Variants in SYT1 observed in about 807,000 individuals in gnomAD.
SYT1 encodes synaptotagmin-1.
A neutral mutation model predicts 44.8 loss-of-function variants in SYT1; 8 were observed. That is an observed-to-expected ratio of 0.18 (90% CI 0.10 to 0.32). SYT1 has a LOEUF of 0.32. Among genes scored for constraint, SYT1 ranks in the 10% least tolerant of loss-of-function variants. The pLI is 1.00. For missense variants in SYT1, 286 were observed against 509.3 expected (o/e 0.56, Z 4.22); for synonymous variants, 154 against 188.8 (o/e 0.82, Z 1.51).
Position 79,176,069 on chromosome 12 carries a change from T to C in SYT1, c.-17-41434T>C, listed in dbSNP as rs541976394. ...ACTTTGGAAGGCCGAGGAGGGTGGATCACCTGATGTTCAGAGTTCAAAACC... is the reference window on the plus strand; with the variant it reads ...ACTTTGGAAGGCCGAGGAGGGTGGACCACCTGATGTTCAGAGTTCAAAACC... On this transcript the variant is annotated intron_variant, in intron 3 of 10. Coordinates refer to ENST00000261205, the MANE Select transcript of SYT1 (RefSeq NM_005639.3). Among the ~76,000 whole-genome samples, 40 of 151,992 alleles carry C rather than the reference T, an allele frequency of 2.6e-4. 1 individual carries two copies. The highest frequency in any genetic ancestry group is 6.8e-3 in the Middle Eastern group (2 of 294).
intron 1 of SYT1, among the ~76,000 whole-genome samples, chr12:78,910,614 G>T (rs558587794): frequency 6.6e-6 from 1 of 151,920 alleles, no homozygotes; most frequent in African/African-American, 2.4e-5. Flanking sequence ...GAGTAAACAC[G>T]CAACAAGCAA....
chr12:79,359,617 A>G (rs1030430115), intron 9 of SYT1, among the ~76,000 whole-genome samples: 2 of 152,148 alleles, frequency 1.3e-5, no homozygotes, highest in African/African-American at 2.4e-5. Context: ...CACCATCACT[A>G]TATGTCACAC....
intron 4 of SYT1, among the ~76,000 whole-genome samples, chr12:79,219,351 G>A (rs533925646): frequency 1.3e-5 from 2 of 151,994 alleles, no homozygotes; most frequent in African/African-American, 4.8e-5. Flanking sequence ...AAGCTATTTA[G>A]TTTGATATAA....
chr12:79,437,368 C>T (rs980246005), intron 9 of SYT1, among the ~76,000 whole-genome samples: 1 of 152,022 alleles, frequency 6.6e-6, no homozygotes, highest in South Asian at 2.1e-4. Context: ...ACCAGAGAAA[C>T]AACGTGAAGG....
At chr12:79,101,405 T>C (rs1592749669) in intron 3 of SYT1, among the ~76,000 whole-genome samples, 2 of 152,206 alleles carry the variant, frequency 1.3e-5, no homozygotes, top group African/African-American at 2.4e-5. Context: ...ATTTCACTTA[T>C]ATGAAGTGAC....
In SYT1 at chr12:78,893,382, TTC is replaced by T. The variant is rs1364388039; in HGVS notation, c.-217+28275_-217+28276del. Among the ~76,000 whole-genome samples, 6 of 151,782 alleles carry T rather than the reference TTC, an allele frequency of 4.0e-5. No homozygotes were observed. In the East Asian group the frequency reaches 1.2e-3, roughly 29 times the overall value. ...TGAATTAAACTTGTCAAAAATTCAA[TTC>T]TGTCTCCAAAATTTGAATCAATGTT... On this transcript the variant is annotated intron_variant, in intron 1 of 10. Transcript: ENST00000261205.
chr12:79,116,892 T>A (rs1000974214), intron 3 of SYT1, among the ~76,000 whole-genome samples: 1 of 152,060 alleles, frequency 6.6e-6, no homozygotes, highest in Non-Finnish European at 1.5e-5. Flanking sequence ...CCTCTCCCCC[T>A]CCAGTGAGGA....
In SYT1 at chr12:79,418,175, A is replaced by G. The variant is rs533704456; in HGVS notation, c.929-25898A>G. On this transcript the variant is annotated intron_variant, in intron 9 of 10. Transcript: ENST00000261205. ...CTTGTCCATCATCAAGGGCTGGAAC[A>G]GTGACTGCTGCTCCTTGTAGTCCCA... Among the ~76,000 whole-genome samples, 26 of 152,214 alleles carry G rather than the reference A, an allele frequency of 1.7e-4. 1 individual carries two copies. The highest frequency in any genetic ancestry group is 4.1e-4 in the South Asian group (2 of 4,828).
At chr12:79,184,353 T>C (rs1313924566) in intron 3 of SYT1, among the ~76,000 whole-genome samples, 1 of 152,072 alleles carries the variant, frequency 6.6e-6, no homozygotes, top group Non-Finnish European at 1.5e-5. Flanking sequence ...AAATGGAACT[T>C]ATGCCTTTAT....
At chr12:79,371,410 A>G (rs1883784648) in intron 9 of SYT1, among the ~76,000 whole-genome samples, 1 of 152,226 alleles carries the variant, frequency 6.6e-6, no homozygotes, top group Admixed American at 6.5e-5. Context: ...TACTCTCTAT[A>G]GATTATTTTG....
At chr12:79,039,668 T>A (rs988373986) in intron 2 of SYT1, among the ~76,000 whole-genome samples, 8 of 150,952 alleles carry the variant, frequency 5.3e-5, no homozygotes, top group African/African-American at 1.9e-4. Context: ...CATGTGCACA[T>A]TGTGCAGGTT....
chr12:79,222,548 A>AT (rs1036991448), intron 4 of SYT1, among the ~76,000 whole-genome samples: 37 of 151,628 alleles, frequency 2.4e-4, no homozygotes, highest in Non-Finnish European at 1.2e-4. Flanking sequence ...TGCCCAGCTA[A>AT]TTTTTTGTAT....
chr12:79,451,615 C>T lies in SYT1; in HGVS notation c.*2491C>T, dbSNP rs1180903811. 6.6e-6 allele frequency: 1 copy of T among 152,220 alleles called. No homozygotes were observed. Among genetic ancestry groups the T allele is most frequent in the Non-Finnish European group, 1.5e-5 (1 of 68,040 alleles). The allele number at this position is 152,220 out of a possible 1,614,324, so 9.4% of individuals were successfully genotyped here. A position where few individuals can be genotyped will look rare whatever the true frequency, so the allele number is the denominator to read the frequency against. On this transcript the variant is annotated 3_prime_UTR_variant, in exon 11 of 11. Transcript: ENST00000261205. ...TTAGTTGGTACTATGCCATCTTTCA[C>T]TCTTTCACAAGTCAGTGATGGAACC...
At chr12:79,348,062 G>A (rs1565919218) in intron 8 of SYT1, among the ~76,000 whole-genome samples, 1 of 152,162 alleles carries the variant, frequency 6.6e-6, no homozygotes, top group Non-Finnish European at 1.5e-5. Flanking sequence ...GTGAAATCTG[G>A]AGAACAGTGG....
intron 4 of SYT1, among the ~76,000 whole-genome samples, chr12:79,231,312 C>G (rs1165517675): frequency 6.6e-6 from 1 of 152,076 alleles, no homozygotes; most frequent in African/African-American, 2.4e-5. Flanking sequence ...CCCAGCCTGT[C>G]TTTTGAGTGA....
chr12:79,330,610 A>G (rs1330534088), intron 8 of SYT1, among the ~76,000 whole-genome samples: 2 of 152,204 alleles, frequency 1.3e-5, no homozygotes, highest in African/African-American at 4.8e-5. Context: ...AAGATATGAA[A>G]TAACTTACGT....
intron 10 of SYT1, among the ~76,000 whole-genome samples, chr12:79,447,166 C>G (rs530275861): frequency 1.1e-4 from 16 of 152,128 alleles, no homozygotes; most frequent in African/African-American, 3.6e-4. Context: ...ATGAGCATTC[C>G]TTTGACTGTA....
intron 3 of SYT1, among the ~76,000 whole-genome samples, chr12:79,198,219 A>G (rs1873576500): frequency 6.6e-6 from 1 of 152,136 alleles, no homozygotes; most frequent in African/African-American, 2.4e-5. Flanking sequence ...TGTTCTAATT[A>G]ATTTTACTAA....
At chr12:78,984,060 T>C (rs957867966) in intron 2 of SYT1, among the ~76,000 whole-genome samples, 2 of 151,870 alleles carry the variant, frequency 1.3e-5, no homozygotes, top group African/African-American at 4.8e-5. Context: ...AGAGAATATA[T>C]ATTGTATCAA....
Sources: gnomAD v4.1 joint callset for allele counts (sites outside exome capture counted in the v4.1 genomes callset) on GRCh38, gnomAD v4.1.1 for gene constraint, MANE v1.5 for transcripts, NCBI Gene and HGNC (gene_info 2026-07-23, HGNC 2026-07-21) for gene names.